Variants in PAMR1 observed in about 807,000 individuals in gnomAD.
PAMR1 encodes the protein inactive serine protease PAMR1.
A neutral mutation model predicts 81.8 loss-of-function variants in PAMR1; 88 were observed. The observed-to-expected ratio is 1.08, with a 90% CI of 0.91 to 1.28. The LOEUF (loss-of-function observed/expected upper bound fraction) is 1.28. PAMR1 is among the 50% of genes most tolerant of loss of function. PAMR1 has a pLI of 0.00. For missense variants in PAMR1, 935 were observed against 919.7 expected (o/e 1.02, Z -0.21); for synonymous variants, 336 against 345.3 (o/e 0.97, Z 0.30).
chr11:35,504,916 T>G (rs988086901), intron 1 of PAMR1, among the ~76,000 whole-genome samples: 2 of 152,032 alleles, frequency 1.3e-5, no homozygotes, highest in African/African-American at 4.8e-5. Context: ...TGGGTTTTTT[T>G]GTTGTTCTAG....
At chr11:35,469,716 C>T (rs1480615481) in intron 5 of PAMR1, among the ~76,000 whole-genome samples, 5 of 152,186 alleles carry the variant, frequency 3.3e-5, no homozygotes, top group African/African-American at 9.7e-5. Flanking sequence ...AGCCACCCAC[C>T]TTCTTTCCTG....
intron 1 of PAMR1, among the ~76,000 whole-genome samples, chr11:35,521,411 A>C (rs1851275230): frequency 1.3e-5 from 2 of 152,170 alleles, no homozygotes; most frequent in Non-Finnish European, 2.9e-5. Context: ...TGGAGGTCAA[A>C]ACTTCAAATG....
At chr11:35,502,523 T>C (rs1382568424) in intron 1 of PAMR1, among the ~76,000 whole-genome samples, 1 of 132,860 alleles carries the variant, frequency 7.5e-6, no homozygotes, top group Non-Finnish European at 1.6e-5. Flanking sequence ...TGGTTTTCTG[T>C]CCCTGTGTTA....
At chr11:35,469,183 G>C (rs1216656631) in intron 5 of PAMR1, among the ~76,000 whole-genome samples, 11 of 152,228 alleles carry the variant, frequency 7.2e-5, no homozygotes. Flanking sequence ...TGATGTGCAG[G>C]TTGCAGACAG....
At chr11:35,461,341 G>C (rs1000025531) in intron 6 of PAMR1, among the ~76,000 whole-genome samples, 1 of 152,178 alleles carries the variant, frequency 6.6e-6, no homozygotes, top group Non-Finnish European at 1.5e-5. Context: ...TAGTCTTGCT[G>C]CATTGTTTAC....
chr11:35,507,768 G>A (rs1850992757), intron 1 of PAMR1, among the ~76,000 whole-genome samples: 1 of 147,592 alleles, frequency 6.8e-6, no homozygotes, highest in Non-Finnish European at 1.5e-5. Context: ...TGTTTGCTTA[G>A]AAATTCTTTG....
intron 3 of PAMR1, 125 bp downstream of exon 3, chr11:35,491,920 T>A (rs1005517406): frequency 1.3e-6 from 1 of 798,526 alleles, no homozygotes; most frequent in East Asian, 2.8e-5. Context: ...TAGTTTTACC[T>A]AGAAAGCCCT....
At chr11:35,466,754 CATT>C (rs1284242356) in intron 6 of PAMR1, among the ~76,000 whole-genome samples, 1 of 118,366 alleles carries the variant, frequency 8.4e-6, no homozygotes, top group Non-Finnish European at 1.8e-5. Context: ...AAAAGGAAAA[CATT>C]AGTGAAAATT....
chr11:35,517,777 AG>A (rs1312473638), intron 1 of PAMR1, among the ~76,000 whole-genome samples: 39 of 152,362 alleles, frequency 2.6e-4, no homozygotes, highest in Middle Eastern at 3.4e-3. Context: ...AAGTGCCTTC[AG>A]AAAAAGGACT....
chr11:35,453,626 C>T (rs1325510167), intron 6 of PAMR1, among the ~76,000 whole-genome samples: 7 of 152,214 alleles, frequency 4.6e-5, no homozygotes, highest in Admixed American at 3.3e-4. Context: ...AGCTCCTCCC[C>T]AGGGTCAGAT....
chr11:35,447,151 G>T (rs1298716548), intron 6 of PAMR1, among the ~76,000 whole-genome samples: 2 of 150,964 alleles, frequency 1.3e-5, no homozygotes, highest in East Asian at 3.9e-4. Context: ...TAGCATTGCA[G>T]CCCCTGCTTT....
chr11:35,471,843 A>G (rs1850193965), intron 4 of PAMR1, among the ~76,000 whole-genome samples: 1 of 152,176 alleles, frequency 6.6e-6, no homozygotes, highest in African/African-American at 2.4e-5. Context: ...AGTTCACAAA[A>G]TGTATGTCTG....
At position 35,435,984 on chromosome 11, in the gene PAMR1, A is replaced by C; in HGVS notation, c.1252T>G (p.Phe418Val). The C allele has an allele frequency of 6.2e-7, 1 of 1,614,204 alleles. No individual in the cohort carries two copies. The highest frequency in any genetic ancestry group is 8.5e-7 in the Non-Finnish European group (1 of 1,180,044). Residue 418 changes from phenylalanine to valine, a missense_variant, in exon 9 of 11, where the codon TTC (phenylalanine) becomes GTC (valine). Physicochemically the swap from Phe to Val is conservative, Grantham distance 50. Transcript: ENST00000619888. ...TQLQYECISP[F>V]YRRLGSSRRT... is the part of the protein sequence containing the mutation. ...CTGCTGCTGCCCAGGCGGCGGTAGAAGGGTGAGATGCACTCATACTGGAGC... is the reference window on the plus strand; with the variant it reads ...CTGCTGCTGCCCAGGCGGCGGTAGACGGGTGAGATGCACTCATACTGGAGC...
At chr11:35,454,845 A>C (rs1856495400) in intron 6 of PAMR1, among the ~76,000 whole-genome samples, 1 of 152,204 alleles carries the variant, frequency 6.6e-6, no homozygotes, top group African/African-American at 2.4e-5. Flanking sequence ...CTTGGGCTCC[A>C]GGCCAGCCCC....
chr11:35,432,854 G>T lies in PAMR1; in HGVS notation c.1665C>A (p.Ile555=), dbSNP rs1447103042. ...GGATGGCGATGTCAGCATCAAGCAG[G>T]ATGGGGTCATAGTTGGGATGCAGAA... ...AIILHPNYDP[I]LLDADIAILK... is the part of the protein sequence containing the mutation. The change falls in exon 11 of 11, where the codon ATC becomes ATA. Residue 555 remains isoleucine, a synonymous_variant. Transcript: ENST00000619888. 1.9e-6 allele frequency: 3 copies of T among 1,597,180 alleles called. No individual in the cohort carries two copies. In the East Asian group the frequency reaches 6.7e-5, roughly 36 times the overall value.
At chr11:35,470,554 A>T in intron 5 of PAMR1, 47 bp downstream of exon 5, 1 of 1,387,078 alleles carries the variant, frequency 7.2e-7, no homozygotes, top group Non-Finnish European at 1.0e-6. Flanking sequence ...GGAGATATTT[A>T]TCTGGAGCAA....
At chr11:35,501,835 C>T (rs1223484832) in intron 1 of PAMR1, among the ~76,000 whole-genome samples, 1 of 152,194 alleles carries the variant, frequency 6.6e-6, no homozygotes, top group Non-Finnish European at 1.5e-5. Flanking sequence ...AATCATCCAC[C>T]GATGGGTACT....
At chr11:35,436,330 G>C in intron 8 of PAMR1, 195 bp from the exon 9 acceptor site, 1 of 566,812 alleles carries the variant, frequency 1.8e-6, no homozygotes, top group Admixed American at 3.0e-5. Context: ...CTCACTCCAG[G>C]ATGGAGTGTA....
intron 1 of PAMR1, among the ~76,000 whole-genome samples, chr11:35,498,068 C>T (rs996117210): frequency 6.6e-6 from 1 of 152,214 alleles, no homozygotes; most frequent in Non-Finnish European, 1.5e-5. Context: ...GTTTACATCA[C>T]ATGCTCCTAC....
Sources: allele counts gnomAD v4.1 joint callset (sites outside exome capture counted in the v4.1 genomes callset), GRCh38; gene constraint gnomAD v4.1.1; transcripts MANE v1.5; gene names NCBI Gene and HGNC (gene_info 2026-07-23, HGNC 2026-07-21).